The following WDR87 variants were observed in gnomAD, a reference collection of about 807,000 sequenced individuals.
WDR87 encodes the protein WD repeat domain 87.
In WDR87, 56 loss-of-function variants were observed where a neutral mutation model predicts 83.3. That is an observed-to-expected ratio of 0.67 (90% CI 0.54 to 0.84). WDR87 has a LOEUF of 0.84. Among genes scored for constraint, WDR87 ranks in the 40% least tolerant of loss-of-function variants. The pLI is 0.00. For synonymous variants in WDR87, 1,173 were observed against 1,250.6 expected (o/e 0.94, Z 1.31); for missense variants, 2,939 against 3,431.9 (o/e 0.86, Z 3.59).
In WDR87 at chr19:37,888,564, T is replaced by G; in HGVS notation, c.5107A>C (p.Lys1703Gln). Residue 1703 changes from lysine to glutamine, a missense_variant, in exon 6 of 6, where the codon AAA becomes CAA. By Grantham distance (53) the Lys-to-Gln change is moderately conservative (BLOSUM62 1). Transcript: ENST00000447313. ...EAEKLAQKRK[K>Q]LAKKWEKVAR... ...ACTTTCTCCCATTTCTTGGCCAGTT[T>G]CTTCCTTTTCTGGGCCAATTTCTCC... The G allele has an allele frequency of 6.4e-7, 1 of 1,551,876 alleles. No individual in the cohort carries two copies. Among genetic ancestry groups the G allele is most frequent in the Non-Finnish European group, 8.7e-7 (1 of 1,147,028 alleles).
rs2046151900 is a variant in WDR87, at chr19:37,886,796, T to TCCTC, written c.6871_6874dup (p.Glu2292GlyfsTer56). On this transcript the variant is annotated frameshift_variant, in exon 6 of 6. Coordinates refer to ENST00000447313, the MANE Select transcript of WDR87 (RefSeq NM_001291088.2). LOFTEE classifies it low-confidence loss of function (END_TRUNC). Reference sequence around the variant, plus strand: ...CTCCTCCTCCTCCCTTTCCTCTTCTTCCTCCCTTTCCTCCTCCTCCTCAGA... The same window carrying TCCTC: ...CTCCTCCTCCTCCCTTTCCTCTTCTTCCTCCCTCCCTTTCCTCCTCCTCCTCAGA... 1 of 1,547,180 alleles carries TCCTC rather than the reference T, an allele frequency of 6.5e-7. No homozygotes were observed. The highest frequency in any genetic ancestry group is 1.4e-5 in the African/African-American group (1 of 72,752).
chr19:37,887,109 TG>T lies in WDR87; in HGVS notation c.6561del (p.Asn2187LysfsTer3), dbSNP rs1196822508. On this transcript the variant is annotated frameshift_variant, in exon 6 of 6. Coordinates refer to ENST00000447313, the MANE Select transcript of WDR87 (RefSeq NM_001291088.2). LOFTEE classifies it low-confidence loss of function (END_TRUNC). ...TCTTTGTTTATCATTCTTCTCATTT[TG>T]TTGGCCAGTTTTCTCTGCTTCCGAG... The part of the protein sequence containing the change: ...KLARKQRKLA[N>X]KMRRMINKEE... The T allele has an allele frequency of 2.6e-6, 4 of 1,550,132 alleles. No individual in the cohort carries two copies. Among genetic ancestry groups the T allele is most frequent in the Non-Finnish European group, 2.6e-6 (3 of 1,146,740 alleles).
intron 1 of WDR87, among the ~76,000 whole-genome samples, chr19:37,899,079 T>G (rs1440406893): frequency 3.1e-5 from 4 of 128,668 alleles, no homozygotes; most frequent in African/African-American, 1.4e-4. Context: ...ATCAATGAGT[T>G]GTTGTTGTGT....
Position 37,887,625 on chromosome 19 carries a change from G to C in WDR87, c.6046C>G (p.Leu2016Val). The C allele has an allele frequency of 6.4e-7, 1 of 1,551,954 alleles. No individual in the cohort carries two copies. The highest frequency in any genetic ancestry group is 8.7e-7 in the Non-Finnish European group (1 of 1,147,058). Residue 2016 changes from leucine to valine, a missense_variant, in exon 6 of 6, where the codon CTG becomes GTG. Leu to Val is a conservative substitution (Grantham distance 32). This residue lies in a region of WDR87 where 2,160 missense variants were observed against 2,533.1 expected (regional missense o/e 0.85). Coordinates refer to ENST00000447313, the MANE Select transcript of WDR87 (RefSeq NM_001291088.2). ...MKRLAEEKMRLVEGKETLSKG... is the reference protein window; with the variant it reads ...MKRLAEEKMRVVEGKETLSKG... ...GACAGTGTTTCTTTTCCCTCAACCAGTCTCATCTTCTCCTCAGCCAGTCTT... is the reference window on the plus strand; with the variant it reads ...GACAGTGTTTCTTTTCCCTCAACCACTCTCATCTTCTCCTCAGCCAGTCTT...
In WDR87 at chr19:37,888,466, T is replaced by C; in HGVS notation, c.5205A>G (p.Lys1735=). The C allele has an allele frequency of 6.4e-7, 1 of 1,552,130 alleles. No individual in the cohort carries two copies. The highest frequency in any genetic ancestry group is 8.7e-7 in the Non-Finnish European group (1 of 1,147,084). Residue 1735 remains lysine (K), a synonymous_variant, in exon 6 of 6, where the codon AAA becomes AAG. Transcript: ENST00000447313. The part of the protein sequence containing the change: ...LAEVKNILAQ[K]VEELPQREQN... Reference sequence around the variant, plus strand: ...GTTCCCTCTGGGGCAGTTCTTCCACTTTCTGGGCCAATATGTTTTTCACCT... The same window carrying C: ...GTTCCCTCTGGGGCAGTTCTTCCACCTTCTGGGCCAATATGTTTTTCACCT...
In WDR87 at chr19:37,886,189, C is replaced by T; in HGVS notation, c.7482G>A (p.Leu2494=). The change falls in exon 6 of 6, where the codon TTG becomes TTA. Residue 2494 remains leucine, a synonymous_variant. Coordinates refer to ENST00000447313, the MANE Select transcript of WDR87 (RefSeq NM_001291088.2). ...PIPPHVLGTV[L]ESQAQDLKTP... Reference sequence around the variant, plus strand: ...TCTTTAAGTCCTGTGCTTGGGACTCCAAAACTGTACCCAAAACATGTGGAG... The same window carrying T: ...TCTTTAAGTCCTGTGCTTGGGACTCTAAAACTGTACCCAAAACATGTGGAG... The T allele has an allele frequency of 1.3e-6, 2 of 1,551,674 alleles. No individual in the cohort carries two copies. The highest frequency in any genetic ancestry group is 1.7e-6 in the Non-Finnish European group (2 of 1,146,990).
chr19:37,892,774 G>C lies in WDR87; in HGVS notation c.2929C>G (p.Arg977Gly), dbSNP rs941484030. Residue 977 changes from arginine (R) to glycine (G), a missense_variant, in exon 4 of 6, where the codon CGA becomes GGA. Transcript: ENST00000447313. ...TTCAGCCCTTCCCAAGCTAGTTCTC[G>C]GATCAGCGGGTTGGAATTGGTTGTA... Reference protein sequence around the residue: ...NDTTNSNPLIRELAWEGLKRL... With the variant: ...NDTTNSNPLIGELAWEGLKRL... The C allele has an allele frequency of 5.2e-6, 8 of 1,551,538 alleles. No homozygotes were observed. Among genetic ancestry groups the C allele is most frequent in the Non-Finnish European group, 7.0e-6 (8 of 1,146,938 alleles).
At chr19:37,890,310 AG>A (rs1310384675) in intron 5 of WDR87, 34 bp from the exon 6 acceptor site, 1 of 1,485,960 alleles carries the variant, frequency 6.7e-7, no homozygotes, top group East Asian at 2.5e-5. Context: ...AGGTAAGCAA[AG>A]TATGGGAAGC....
chr19:37,900,212 A>T (rs2046284643), intron 1 of WDR87, among the ~76,000 whole-genome samples: 2 of 152,180 alleles, frequency 1.3e-5, no homozygotes, highest in African/African-American at 4.8e-5. Flanking sequence ...TGTACAAAAG[A>T]GGAACATTAA....
In WDR87 at chr19:37,886,461, T is replaced by C. The variant is rs2046145709; in HGVS notation, c.7210A>G (p.Arg2404Gly). The C allele has an allele frequency of 6.5e-7, 1 of 1,526,978 alleles. No homozygotes were observed. Among genetic ancestry groups the C allele is most frequent in the Non-Finnish European group, 8.8e-7 (1 of 1,140,628 alleles). The allele number at this position is 1,526,978 out of a possible 1,614,324, so 94.6% of individuals were successfully genotyped here. Reference sequence around the variant, plus strand: ...ACTCCTCTTAAAATGGAAAGGACTCTTTCCCTTCCTCTTAGGCTCTTTCTT... The same window carrying C: ...ACTCCTCTTAAAATGGAAAGGACTCCTTCCCTTCCTCTTAGGCTCTTTCTT... ...QRRKSLRGRE[R>G]VLSILRGVPH... The change falls in exon 6 of 6, where the codon AGA (arginine) becomes GGA (glycine). Residue 2404 changes from arginine (R) to glycine (G), a missense_variant. Transcript: ENST00000447313.
intron 1 of WDR87, among the ~76,000 whole-genome samples, chr19:37,905,460 AAAAGT>A (rs2046319728): frequency 8.5e-6 from 1 of 117,752 alleles, no homozygotes; most frequent in South Asian, 2.6e-4. Context: ...CAAGAAAAAA[AAAAGT>A]AAATAATAAT....
chr19:37,890,404 A>T (rs1414223857), intron 5 of WDR87, 128 bp from the exon 6 acceptor site: 3 of 776,076 alleles, frequency 3.9e-6, no homozygotes, highest in East Asian at 5.8e-5. Context: ...CTGAGGCCTT[A>T]AAAAAAAAAA....
At position 37,894,483 on chromosome 19, in the gene WDR87, G is replaced by T; in HGVS notation, c.1220C>A (p.Ser407Ter). 1 of 1,551,720 alleles carries T rather than the reference G, an allele frequency of 6.4e-7. No individual in the cohort carries two copies. Among genetic ancestry groups the T allele is most frequent in the South Asian group, 1.2e-5 (1 of 84,058 alleles). ...GDLLVITWPF[S>*]ILDQAVDWAY... ...CCAATCCACAGCCTGGTCCAGGATT[G>T]AGAAGGGCCAGGTGATAACCAGAAG... is the stretch of plus-strand genomic sequence containing the variant. Residue 407 changes from serine to a stop codon, truncating the protein, a stop_gained, in exon 4 of 6, where the codon TCA becomes TAA. Transcript: ENST00000447313. LOFTEE classifies it high-confidence loss of function.
Position 37,889,044 on chromosome 19 carries a change from A to G in WDR87, c.4627T>C (p.Ser1543Pro). ...EKLHQAGEKL[S>P]PEEEMLQEDK... The stretch of plus-strand genomic sequence containing the variant: ...TCCTGAAGCATTTCCTCCTCCGGGG[A>G]TAGCTTCTCTCCAGCCTGATGTAGT... The change falls in exon 6 of 6, where the codon TCC (serine) becomes CCC (proline). Residue 1543 changes from serine to proline, a missense_variant. Physicochemically the swap from Ser to Pro is moderately conservative, Grantham distance 74. Transcript: ENST00000447313. The G allele has an allele frequency of 6.4e-7, 1 of 1,551,914 alleles. No homozygotes were observed. The highest frequency in any genetic ancestry group is 8.7e-7 in the Non-Finnish European group (1 of 1,147,036).
rs188055814 is a variant in WDR87 at position 37,888,589 on chromosome 19, C to T, written c.5082G>A (p.Ala1694=). 4,474 of 1,551,898 alleles carry T rather than the reference C, an allele frequency of 2.9e-3. 14 individuals are homozygous for T. The highest frequency in any genetic ancestry group is 3.6e-3 in the Non-Finnish European group (4,155 of 1,147,040). ...AQRGEKLSQE[A]EKLAQKRKKL... Reference sequence around the variant, plus strand: ...TCTTCCTTTTCTGGGCCAATTTCTCCGCCTCCTGGCTTAGCTTCTCCCCTC... The same window carrying T: ...TCTTCCTTTTCTGGGCCAATTTCTCTGCCTCCTGGCTTAGCTTCTCCCCTC... Residue 1694 remains alanine, a synonymous_variant, in exon 6 of 6, where the codon GCG becomes GCA. Coordinates refer to ENST00000447313, the MANE Select transcript of WDR87 (RefSeq NM_001291088.2).
In WDR87 at chr19:37,887,399, A is replaced by G. The variant is rs569972759; in HGVS notation, c.6272T>C (p.Leu2091Ser). The part of the protein sequence containing the change: ...QRIFVQGQRK[L>S]AKASRKLIKK... ...AATCAACTTCCTTGAAGCCTTGGCT[A>G]ACTTTCTTTGCCCCTGGACAAATAT... Residue 2091 changes from leucine to serine, a missense_variant, in exon 6 of 6, where the codon TTA becomes TCA. Transcript: ENST00000447313. The G allele has an allele frequency of 7.1e-6, 11 of 1,551,646 alleles. No homozygotes were observed. In the East Asian group the frequency reaches 1.7e-4, roughly 24 times the overall value.
Position 37,890,231 on chromosome 19 carries a change from G to A in WDR87, c.3440C>T (p.Ser1147Phe). The A allele has an allele frequency of 2.6e-6, 4 of 1,546,850 alleles. No individual in the cohort carries two copies. Among genetic ancestry groups the A allele is most frequent in the Non-Finnish European group, 3.5e-6 (4 of 1,144,396 alleles). Residue 1147 changes from serine (S) to phenylalanine (F), a missense_variant, in exon 6 of 6, where the codon TCT becomes TTT. This residue lies in a region of WDR87 where 2,160 missense variants were observed against 2,533.1 expected (regional missense o/e 0.85). Coordinates refer to ENST00000447313, the MANE Select transcript of WDR87 (RefSeq NM_001291088.2). ...RGLKKTKERD[S>F]KQMSTEPGLL... ...GCCTGGCTCTGTGCTCATCTGTTTA[G>A]AGTCTCTCTCTTTCGTCTTCTTGAG...
In WDR87 at chr19:37,894,636, C is replaced by T. The variant is rs1374819846; in HGVS notation, c.1067G>A (p.Ser356Asn). 1.2e-5 allele frequency: 19 copies of T among 1,551,628 alleles called. No homozygotes were observed. The highest frequency in any genetic ancestry group is 1.7e-5 in the Non-Finnish European group (19 of 1,147,020). Residue 356 changes from serine to asparagine, a missense_variant, in exon 4 of 6, where the codon AGC becomes AAC. By Grantham distance (46) the Ser-to-Asn change is conservative. Transcript: ENST00000447313. Reference protein sequence around the residue: ...FSLHRLPCFYSLFNVCGSAPQ... With the variant: ...FSLHRLPCFYNLFNVCGSAPQ... ...AGCAGAGCCACAGACATTGAAGAGGCTGTAGAAGCAGGGCAGGCGGTGCAA... is the reference window on the plus strand; with the variant it reads ...AGCAGAGCCACAGACATTGAAGAGGTTGTAGAAGCAGGGCAGGCGGTGCAA...
At position 37,894,269 on chromosome 19, in the gene WDR87, G is replaced by A; in HGVS notation, c.1434C>T (p.Phe478=). 6.4e-7 allele frequency: 1 copy of A among 1,551,770 alleles called. No homozygotes were observed. The highest frequency in any genetic ancestry group is 8.7e-7 in the Non-Finnish European group (1 of 1,147,012). Residue 478 remains phenylalanine (F), a synonymous_variant, in exon 4 of 6, where the codon TTC becomes TTT. Transcript: ENST00000447313. ...TTATCACACCACTCTGGTGCCCAGA[G>A]AATATCAGTCCCTCTAGACCCCGCC... ...NLGRGLEGLI[F]SGHQSGVIRV... is the part of the protein sequence containing the mutation.
Sources: allele counts gnomAD v4.1 joint callset (sites outside exome capture counted in the v4.1 genomes callset), GRCh38; gene constraint gnomAD v4.1.1; regional missense constraint gnomAD v4.1.1; transcripts MANE v1.5; gene names NCBI Gene and HGNC (gene_info 2026-07-23, HGNC 2026-07-21).